FARS2: variants seen among roughly 807,000 people sequenced by gnomAD.
FARS2 encodes the protein phenylalanine--tRNA ligase, mitochondrial.
In FARS2, 40 loss-of-function variants were observed where a neutral mutation model predicts 46.4. That is an observed-to-expected ratio of 0.86 (90% CI 0.67 to 1.12). The LOEUF (loss-of-function observed/expected upper bound fraction) is 1.12. Among genes scored for constraint, FARS2 ranks in the 50% most tolerant of loss-of-function variants. The pLI is 0.00. For synonymous variants in FARS2, 234 were observed against 214.9 expected (o/e 1.09, Z -0.78); for missense variants, 513 against 567.9 (o/e 0.90, Z 0.98).
At position 5,341,216 on chromosome 6, in the gene FARS2, TATATATATATATA is replaced by T. The variant is rs1561969887; in HGVS notation, c.-21-27333_-21-27321del. The stretch of plus-strand genomic sequence containing the variant: ...ATATATATATATATATATATATATA[TATATATATATATA>T]TATATATTTTTTTTTTTTTTTTTTT... On this transcript the variant is annotated intron_variant, in intron 1 of 6. Coordinates refer to ENST00000274680, the MANE Select transcript of FARS2 (RefSeq NM_006567.5). Among the ~76,000 whole-genome samples, 32 of 6,942 alleles carry T rather than the reference TATATATATATATA, an allele frequency of 4.6e-3. 3 individuals are homozygous for T. Among genetic ancestry groups the T allele is most frequent in the South Asian group, 0.017 (4 of 236 alleles). The allele number at this position is 6,942 out of a possible 152,430, so 4.6% of individuals were successfully genotyped here. A position where few individuals can be genotyped will look rare whatever the true frequency, so the allele number is the denominator to read the frequency against.
At chr6:5,530,852 A>T (rs1287956559) in intron 4 of FARS2, among the ~76,000 whole-genome samples, 2 of 147,636 alleles carry the variant, frequency 1.4e-5, no homozygotes, top group Non-Finnish European at 3.0e-5. Flanking sequence ...ATATCAATAG[A>T]TATATATTTA....
At chr6:5,267,978 T>A (rs943796473) in intron 1 of FARS2, among the ~76,000 whole-genome samples, 2 of 151,918 alleles carry the variant, frequency 1.3e-5, no homozygotes, top group Non-Finnish European at 2.9e-5. Context: ...TTTTCATGTG[T>A]TTTTTGGCTG....
At chr6:5,693,880 T>G (rs1342070157) in intron 6 of FARS2, among the ~76,000 whole-genome samples, 1 of 152,190 alleles carries the variant, frequency 6.6e-6, no homozygotes, top group African/African-American at 2.4e-5. Context: ...GTAGCAAGTG[T>G]GCAAGTCAGC....
intron 6 of FARS2, among the ~76,000 whole-genome samples, chr6:5,734,168 T>A (rs1760806321): frequency 6.6e-6 from 1 of 152,108 alleles, no homozygotes; most frequent in South Asian, 2.1e-4. Context: ...TTGTGAGAAT[T>A]CTAGAAAGCT....
In FARS2 at chr6:5,429,235, G is replaced by A. The variant is rs78528625; in HGVS notation, c.773-1806G>A. Reference sequence around the variant, plus strand: ...GTCACATTATACACTTTATATCTGTGCACTTTAATGTTTGTCTATTTAACA... The same window carrying A: ...GTCACATTATACACTTTATATCTGTACACTTTAATGTTTGTCTATTTAACA... On this transcript the variant is annotated intron_variant, in intron 3 of 6. Transcript: ENST00000274680. Among the ~76,000 whole-genome samples, 601 of 152,210 alleles carry A rather than the reference G, an allele frequency of 3.9e-3. 2 individuals carry two copies. The highest frequency in any genetic ancestry group is 0.014 in the African/African-American group (581 of 41,494).
At chr6:5,608,316 G>A (rs62385462) in intron 5 of FARS2, among the ~76,000 whole-genome samples, 2 of 152,098 alleles carry the variant, frequency 1.3e-5, no homozygotes, top group African/African-American at 4.8e-5. Flanking sequence ...TATTCATTAG[G>A]TTCATAGCTG....
At chr6:5,692,587 G>C (rs529406709) in intron 6 of FARS2, among the ~76,000 whole-genome samples, 42 of 152,212 alleles carry the variant, frequency 2.8e-4, no homozygotes, top group African/African-American at 9.1e-4. Context: ...AAATAGATAG[G>C]CAAAAGCTAA....
chr6:5,503,063 CTT>C (rs1767894616), intron 4 of FARS2, among the ~76,000 whole-genome samples: 1 of 151,798 alleles, frequency 6.6e-6, no homozygotes, highest in Non-Finnish European at 1.5e-5. Context: ...TATATGAAAA[CTT>C]TTATGGAGAA....
At chr6:5,478,811 TTGG>T in intron 4 of FARS2, among the ~76,000 whole-genome samples, 1 of 152,220 alleles carries the variant, frequency 6.6e-6, no homozygotes, top group East Asian at 1.9e-4. Flanking sequence ...TCATTCCCTC[TTGG>T]TGGCCACAAA....
chr6:5,434,700 G>T (rs182965526), intron 4 of FARS2, among the ~76,000 whole-genome samples: 220 of 152,164 alleles, frequency 1.4e-3, no homozygotes, highest in African/African-American at 5.1e-3. Flanking sequence ...TATCCCACTC[G>T]TGCAGTTCCG....
chr6:5,671,086 G>T (rs1778432781), intron 6 of FARS2, among the ~76,000 whole-genome samples: 1 of 152,226 alleles, frequency 6.6e-6, no homozygotes, highest in African/African-American at 2.4e-5. Context: ...ACTTATGGTA[G>T]CATAAGCTAA....
chr6:5,717,935 T>TATATATATAGAGAGAGAGAGAGAGAGAG (rs546191530), intron 6 of FARS2, among the ~76,000 whole-genome samples: 1 of 135,648 alleles, frequency 7.4e-6, no homozygotes, highest in African/African-American at 3.1e-5. Context: ...TATATATATA[T>TATATATATAGAGAGAGAGAGAGAGAGAG]ACAGAGTCTC....
intron 6 of FARS2, among the ~76,000 whole-genome samples, chr6:5,726,311 C>T (rs951747359): frequency 1.3e-5 from 2 of 152,200 alleles, no homozygotes; most frequent in Admixed American, 1.3e-4. Flanking sequence ...ACTCCCTCAC[C>T]AGCAGGCCCA....
At chr6:5,634,663 A>G (rs1776457321) in intron 6 of FARS2, among the ~76,000 whole-genome samples, 2 of 152,188 alleles carry the variant, frequency 1.3e-5, no homozygotes, top group Non-Finnish European at 2.9e-5. Flanking sequence ...GAAGCAATTC[A>G]TTTGTGGTTT....
intron 3 of FARS2, among the ~76,000 whole-genome samples, chr6:5,424,168 T>C (rs1183252160): frequency 6.6e-6 from 1 of 152,144 alleles, no homozygotes; most frequent in East Asian, 1.9e-4. Context: ...CCTGGATCTT[T>C]GTCTGGGACC....
At chr6:5,640,130 C>T (rs1036832454) in intron 6 of FARS2, among the ~76,000 whole-genome samples, 2 of 136,684 alleles carry the variant, frequency 1.5e-5, no homozygotes, top group South Asian at 5.1e-4. Flanking sequence ...TTTGAGGGAA[C>T]TTTTGTCAGG....
At chr6:5,292,797 A>G (rs1561936977) in intron 1 of FARS2, among the ~76,000 whole-genome samples, 1 of 152,180 alleles carries the variant, frequency 6.6e-6, no homozygotes, top group Non-Finnish European at 1.5e-5. Flanking sequence ...TTGTAGGTAG[A>G]TGAGACCAAA....
chr6:5,436,302 T>C (rs1763518611), intron 4 of FARS2, among the ~76,000 whole-genome samples: 1 of 152,252 alleles, frequency 6.6e-6, no homozygotes, highest in Non-Finnish European at 1.5e-5. Flanking sequence ...TGAATCTATT[T>C]CCAGTCTGTC....
intron 3 of FARS2, among the ~76,000 whole-genome samples, chr6:5,407,273 A>T (rs1361752278): frequency 2.0e-5 from 3 of 151,798 alleles, no homozygotes; most frequent in African/African-American, 7.3e-5. Flanking sequence ...GGACTTCAGT[A>T]CTCACTGTTC....
Sources: allele counts gnomAD v4.1 joint callset (sites outside exome capture counted in the v4.1 genomes callset), GRCh38; gene constraint gnomAD v4.1.1; transcripts MANE v1.5; gene names NCBI Gene and HGNC (gene_info 2026-07-23, HGNC 2026-07-21).